TENM3: variants seen among roughly 807,000 people sequenced by gnomAD.
TENM3 encodes teneurin-3.
A neutral mutation model predicts 255.1 loss-of-function variants in TENM3; 63 were observed. The ratio of observed to expected loss-of-function variants is 0.25; its 90% CI spans 0.20 to 0.30. TENM3 has a LOEUF of 0.30. Among genes scored for constraint, TENM3 ranks in the 10% least tolerant of loss-of-function variants. The pLI, the probability that TENM3 is intolerant of heterozygous loss-of-function variation, is 1.00. For missense variants in TENM3, 2,929 were observed against 3,461.1 expected, an observed-to-expected ratio of 0.85 and a Z score of 3.86; for synonymous variants, 1,306 against 1,322.3, an observed-to-expected ratio of 0.99 and a Z score of 0.27.
chr4:182,182,455 G>A (rs1752901791), intron 1 of TENM3, among the ~76,000 whole-genome samples: 1 of 152,298 alleles, frequency 6.6e-6, no homozygotes, highest in East Asian at 1.9e-4. Flanking sequence ...GAGGGTCCAG[G>A]AGGTAAGATA....
At chr4:182,070,552 G>A in the TENM3 span, among the ~76,000 whole-genome samples, 1 of 152,178 alleles carries the variant, frequency 6.6e-6, no homozygotes, top group Non-Finnish European at 1.5e-5. Flanking sequence ...GGGAGGTGGA[G>A]GATGCAGTGA....
chr4:182,326,354 G>A (rs1247756865), intron 2 of TENM3, among the ~76,000 whole-genome samples: 1 of 152,132 alleles, frequency 6.6e-6, no homozygotes, highest in Non-Finnish European at 1.5e-5. Flanking sequence ...TGAGACGGAT[G>A]AGGTTTGGAG....
chr4:181,880,442 A>G, the TENM3 span, among the ~76,000 whole-genome samples: 1 of 152,220 alleles, frequency 6.6e-6, no homozygotes, highest in Admixed American at 6.5e-5. Flanking sequence ...AAATTGATAC[A>G]GAAAAAGGTT....
chr4:182,174,998 A>G (rs1043125977), intron 1 of TENM3, among the ~76,000 whole-genome samples: 1 of 152,160 alleles, frequency 6.6e-6, no homozygotes, highest in Non-Finnish European at 1.5e-5. Flanking sequence ...AAAGGCTGCA[A>G]ACAGTGTAAT....
chr4:181,613,446 C>A, the TENM3 span, among the ~76,000 whole-genome samples: 645 of 152,310 alleles, frequency 4.2e-3, 1 homozygote, highest in Non-Finnish European at 7.2e-3. Context: ...CCAGACCTTG[C>A]TGATTGCCTA....
the TENM3 span, among the ~76,000 whole-genome samples, chr4:181,648,106 C>T: frequency 6.6e-6 from 1 of 152,070 alleles, no homozygotes. Context: ...GGGGGACTTG[C>T]GTCTTCTGGA....
the TENM3 span, among the ~76,000 whole-genome samples, chr4:181,495,922 A>AG: frequency 8.1e-5 from 12 of 148,338 alleles, no homozygotes; most frequent in Non-Finnish European, 1.8e-4. Context: ...AAAAAAAAAA[A>AG]GAAACATAAA....
At chr4:182,677,015 C>T (rs7666561) in intron 7 of TENM3, among the ~76,000 whole-genome samples, 50,330 of 151,818 alleles carry the variant, frequency 0.33, 8,575 homozygotes, top group African/African-American at 0.38. Context: ...AATATATCTG[C>T]ATCTCCATCT....
At chr4:181,472,920 AT>A in the TENM3 span, among the ~76,000 whole-genome samples, 1 of 152,198 alleles carries the variant, frequency 6.6e-6, no homozygotes, top group Non-Finnish European at 1.5e-5. Context: ...GAATTCATAC[AT>A]TTTAGAAGAG....
chr4:181,743,235 C>G, the TENM3 span, among the ~76,000 whole-genome samples: 1 of 152,084 alleles, frequency 6.6e-6, no homozygotes, highest in African/African-American at 2.4e-5. Flanking sequence ...GTTCTAGATC[C>G]CTGAGGAATC....
At chr4:181,520,437 G>A in the TENM3 span, among the ~76,000 whole-genome samples, 15 of 152,222 alleles carry the variant, frequency 9.9e-5, no homozygotes, top group Middle Eastern at 3.4e-3. Context: ...GTGTGTGTGC[G>A]TGCATGTGTA....
chr4:182,068,009 C>T, the TENM3 span, among the ~76,000 whole-genome samples: 740 of 152,180 alleles, frequency 4.9e-3, 5 homozygotes, highest in Middle Eastern at 6.8e-3. Flanking sequence ...ACATAAGGCA[C>T]CATGCTGGGT....
At chr4:182,672,238 GTGTCTCT>G in intron 6 of TENM3, among the ~76,000 whole-genome samples, 1 of 152,186 alleles carries the variant, frequency 6.6e-6, no homozygotes. Flanking sequence ...AGAAGAGATG[GTGTCTCT>G]TAACAGGTGG....
chr4:181,945,057 A>T, the TENM3 span, among the ~76,000 whole-genome samples: 1 of 152,020 alleles, frequency 6.6e-6, no homozygotes, highest in Non-Finnish European at 1.5e-5. Flanking sequence ...CGACAACCTT[A>T]ATGTGATGAA....
At chr4:182,476,749 A>G (rs561543194) in intron 3 of TENM3, among the ~76,000 whole-genome samples, 2 of 152,330 alleles carry the variant, frequency 1.3e-5, no homozygotes, top group African/African-American at 4.8e-5. Context: ...GGTCTTGAAG[A>G]TCAGCTGCTG....
intron 2 of TENM3, among the ~76,000 whole-genome samples, chr4:182,332,896 A>C (rs1763873191): frequency 6.6e-6 from 1 of 152,186 alleles, no homozygotes; most frequent in South Asian, 2.1e-4. Context: ...AAAATAAGAC[A>C]TCCTAAAAAG....
intron 3 of TENM3, among the ~76,000 whole-genome samples, chr4:182,448,659 C>T (rs1162788351): frequency 6.6e-6 from 1 of 151,672 alleles, no homozygotes; most frequent in Non-Finnish European, 1.5e-5. Flanking sequence ...CCCGGGGCGG[C>T]TCGCGAGCGT....
the TENM3 span, among the ~76,000 whole-genome samples, chr4:181,553,153 T>C: frequency 6.6e-6 from 1 of 152,108 alleles, no homozygotes; most frequent in Non-Finnish European, 1.5e-5. Context: ...TGAATGGCCT[T>C]GGGACAATTA....
intron 3 of TENM3, among the ~76,000 whole-genome samples, chr4:182,423,587 C>A (rs1416897342): frequency 6.6e-6 from 1 of 152,088 alleles, no homozygotes; most frequent in African/African-American, 2.4e-5. Context: ...GATGAGAGAA[C>A]AATGCCACTG....
Sources: allele counts gnomAD v4.1 joint callset (sites outside exome capture counted in the v4.1 genomes callset), GRCh38; gene constraint gnomAD v4.1.1; transcripts MANE v1.5; gene names NCBI Gene and HGNC (gene_info 2026-07-23, HGNC 2026-07-21).